Variants in KCNG2 observed in about 807,000 individuals in gnomAD.
KCNG2 encodes the protein potassium voltage-gated channel modifier subfamily G member 2.
Under a neutral mutation model 12.3 loss-of-function variants are expected in KCNG2, and 7 were observed. The observed-to-expected ratio is 0.57, with a 90% CI of 0.32 to 1.07. KCNG2 has a LOEUF of 1.07. KCNG2 is among the 50% of genes least tolerant of loss of function. The pLI is 0.04. For missense variants in KCNG2, 703 were observed against 726.0 expected (o/e 0.97, Z 0.36); for synonymous variants, 414 against 351.4 (o/e 1.18, Z -1.99).
At chr18:79,802,282 G>C (rs745394560) in intron 1 of KCNG2, among the ~76,000 whole-genome samples, 17 of 152,224 alleles carry the variant, frequency 1.1e-4, no homozygotes, top group Non-Finnish European at 2.1e-4. Flanking sequence ...TAGAAGACCA[G>C]GTGGACGCGG....
chr18:79,886,948 A>G lies in KCNG2; in HGVS notation c.625-12092A>G, dbSNP rs12457517. Among the ~76,000 whole-genome samples the G allele has an allele frequency of 5.5e-3, 38 of 6,862 alleles. 2 individuals are homozygous for G. Among genetic ancestry groups the G allele is most frequent in the East Asian group, 0.045 (1 of 22 alleles). The allele number at this position is 6,862 out of a possible 152,430, so 4.5% of individuals were successfully genotyped here. A position where few individuals can be genotyped will look rare whatever the true frequency, so the allele number is the denominator to read the frequency against. On this transcript the variant is annotated intron_variant, in intron 3 of 3. Transcript: ENST00000316249. ...GATGGGAACATAGGGACGTGGGGACAGGGACATGGGGACACAAGACAGGGA... is the reference window on the plus strand; with the variant it reads ...GATGGGAACATAGGGACGTGGGGACGGGGACATGGGGACACAAGACAGGGA...
intron 1 of KCNG2, among the ~76,000 whole-genome samples, chr18:79,853,877 C>G (rs1303033689): frequency 6.6e-6 from 1 of 152,254 alleles, no homozygotes; most frequent in South Asian, 2.1e-4. Flanking sequence ...TGGCAGGTGC[C>G]TCGACCCTGT....
At chr18:79,866,281 T>G in intron 3 of KCNG2, among the ~76,000 whole-genome samples, 1 of 138,290 alleles carries the variant, frequency 7.2e-6, no homozygotes, top group South Asian at 2.5e-4. Context: ...GAGATCTGTG[T>G]GATGAGAGGT....
chr18:79,803,236 G>A lies in KCNG2; in HGVS notation c.-115+5222G>A, dbSNP rs1003238229. On this transcript the variant is annotated intron_variant, in intron 1 of 3. Coordinates refer to ENST00000316249, the MANE Select transcript of KCNG2 (RefSeq NM_012283.2). This position sits in a 1 kb window ranked among gnomAD's most constrained non-coding sequence, Gnocchi z 4.5. Reference sequence around the variant, plus strand: ...TGATCACCTCTGTAGTCACAGGGCAGGGCCAGCCCCCTCATCTCCAGGCCC... The same window carrying A: ...TGATCACCTCTGTAGTCACAGGGCAAGGCCAGCCCCCTCATCTCCAGGCCC... Among the ~76,000 whole-genome samples, 1 of 151,964 alleles carries A rather than the reference G, an allele frequency of 6.6e-6. No individual in the cohort carries two copies. The highest frequency in any genetic ancestry group is 1.5e-5 in the Non-Finnish European group (1 of 68,006).
intron 3 of KCNG2, among the ~76,000 whole-genome samples, chr18:79,895,755 T>G (rs1980949052): frequency 6.6e-6 from 1 of 152,242 alleles, no homozygotes; most frequent in African/African-American, 2.4e-5. Context: ...ATGATTTATA[T>G]AGTTGGATCT....
At chr18:79,891,518 AC>A (rs1003885192) in intron 3 of KCNG2, among the ~76,000 whole-genome samples, 8 of 152,264 alleles carry the variant, frequency 5.3e-5, no homozygotes, top group Middle Eastern at 3.4e-3. Context: ...GGCATGAGCC[AC>A]CACGCTGGCC....
At chr18:79,824,171 G>C (rs535668587) in intron 1 of KCNG2, among the ~76,000 whole-genome samples, 20 of 152,268 alleles carry the variant, frequency 1.3e-4, no homozygotes, top group African/African-American at 4.8e-4. Flanking sequence ...TGGGTAACTT[G>C]TATTTTTTGT....
chr18:79,863,390 C>T (rs1445369143), intron 2 of KCNG2, among the ~76,000 whole-genome samples: 1 of 152,248 alleles, frequency 6.6e-6, no homozygotes. Flanking sequence ...CCGGCTGTTC[C>T]CTTGGTGATA....
At chr18:79,847,754 G>A (rs918425734) in intron 1 of KCNG2, among the ~76,000 whole-genome samples, 3 of 152,162 alleles carry the variant, frequency 2.0e-5, no homozygotes, top group Admixed American at 6.5e-5. Context: ...ATGTAGAACC[G>A]CACTTGCTCT....
intron 3 of KCNG2, among the ~76,000 whole-genome samples, chr18:79,870,426 G>A (rs1372237294): frequency 1.3e-5 from 2 of 152,116 alleles, no homozygotes; most frequent in Non-Finnish European, 2.9e-5. Flanking sequence ...GACGCCCACC[G>A]TGAGGATCCA....
chr18:79,847,812 G>C (rs892594355), intron 1 of KCNG2, among the ~76,000 whole-genome samples: 1 of 152,198 alleles, frequency 6.6e-6, no homozygotes, highest in Non-Finnish European at 1.5e-5. Flanking sequence ...GTGGGGCCAC[G>C]TGTCCCCTGG....
intron 1 of KCNG2, among the ~76,000 whole-genome samples, chr18:79,842,460 A>G (rs1398658207): frequency 6.6e-6 from 1 of 152,256 alleles, no homozygotes; most frequent in Admixed American, 6.5e-5. Context: ...ATGAATAATC[A>G]GGGAACATGA....
At chr18:79,851,127 G>A (rs1599392002) in intron 1 of KCNG2, among the ~76,000 whole-genome samples, 2 of 152,122 alleles carry the variant, frequency 1.3e-5, no homozygotes, top group South Asian at 4.1e-4. Context: ...GGACGTTCCC[G>A]AGAGTAAGAG....
intron 3 of KCNG2, among the ~76,000 whole-genome samples, chr18:79,880,158 T>C (rs966009538): frequency 2.0e-5 from 3 of 152,054 alleles, no homozygotes; most frequent in African/African-American, 7.2e-5. Flanking sequence ...GATTCTCAAC[T>C]CTACAAAGTC....
chr18:79,854,669 G>A (rs897778209), intron 1 of KCNG2, among the ~76,000 whole-genome samples: 5 of 152,024 alleles, frequency 3.3e-5, no homozygotes, highest in Non-Finnish European at 7.4e-5. Context: ...GGGACTACAG[G>A]TGCCCACCAC....
Position 79,899,022 on chromosome 18 carries a change from T to TGTCCCCTCTCCCCGC in KCNG2, c.625-17_625-3dup. 2.0e-6 allele frequency: 3 copies of TGTCCCCTCTCCCCGC among 1,520,944 alleles called. No homozygotes were observed. The highest frequency in any genetic ancestry group is 2.6e-6 in the Non-Finnish European group (3 of 1,137,948). 94.2% of individuals were successfully genotyped at this position (1,520,944 alleles called of 1,614,324 possible). A position where few individuals can be genotyped will look rare whatever the true frequency, so the allele number is the denominator to read the frequency against. ...CAAGAGGCCTGCGCCCCCAACCCCG[T>TGTCCCCTCTCCCCGC]GTCCCCTCTCCCCGCAGGGCGAGTG... On this transcript the variant is annotated splice_polypyrimidine_tract_variant and intron_variant, in intron 3 of 3. Coordinates refer to ENST00000316249, the MANE Select transcript of KCNG2 (RefSeq NM_012283.2).
Position 79,864,142 on chromosome 18 carries a change from G to A in KCNG2, c.475G>A (p.Gly159Ser), listed in dbSNP as rs770849909. ...ALGPRGRLQRGRRRLRDVVDN... is the reference protein window; with the variant it reads ...ALGPRGRLQRSRRRLRDVVDN... ...GGGACCTCGGGGGCGGCTGCAGCGC[G>A]GCCGGCGGCGCCTGCGCGACGTGGT... The change falls in exon 3 of 4, where the codon GGC becomes AGC. Residue 159 changes from glycine (G) to serine (S), a missense_variant. Transcript: ENST00000316249. 15 of 1,378,266 alleles carry A rather than the reference G, an allele frequency of 1.1e-5. No homozygotes were observed. The highest frequency in any genetic ancestry group is 8.9e-5 in the South Asian group (6 of 67,560). The allele number at this position is 1,378,266 out of a possible 1,614,324, so 85.4% of individuals were successfully genotyped here.
rs149157397 is a variant in KCNG2 at position 79,843,247 on chromosome 18, G to A, written c.-114-13132G>A. ...AAAGTCAACCAAGAATATTATACTC[G>A]GCAAAGCTGTCCTCCAGAAATTAAG... On this transcript the variant is annotated intron_variant, in intron 1 of 3. Transcript: ENST00000316249. 1.5e-4 allele frequency among the ~76,000 whole-genome samples: 23 copies of A among 152,128 alleles called. No homozygotes were observed. In the East Asian group the frequency reaches 2.5e-3, roughly 17 times the overall value.
At chr18:79,836,359 CA>C (rs1978325133) in intron 1 of KCNG2, among the ~76,000 whole-genome samples, 2 of 152,122 alleles carry the variant, frequency 1.3e-5, no homozygotes, top group Admixed American at 1.3e-4. Context: ...AACAGAGCTG[CA>C]AAATATGTGA....
Sources: gnomAD v4.1 joint callset for allele counts (sites outside exome capture counted in the v4.1 genomes callset) on GRCh38, gnomAD v4.1.1 for gene constraint, Gnocchi (gnomAD v3.1) non-coding constraint, MANE v1.5 for transcripts, NCBI Gene and HGNC (gene_info 2026-07-23, HGNC 2026-07-21) for gene names.